Variants in TUBA1C observed in about 807,000 individuals in gnomAD.
The protein encoded by TUBA1C is tubulin alpha-1C chain.
In TUBA1C, 16 loss-of-function variants were observed where a neutral mutation model predicts 34.9. The ratio of observed to expected loss-of-function variants is 0.46; its 90% CI spans 0.31 to 0.70. The LOEUF is 0.70. Ranked by LOEUF, TUBA1C falls within the 30% of genes least tolerant of loss-of-function variation. The pLI, the probability that TUBA1C is intolerant of heterozygous loss-of-function variation, is 0.05. For missense variants in TUBA1C, 329 were observed against 587.3 expected (o/e 0.56, Z 4.55); for synonymous variants, 177 against 215.9 (o/e 0.82, Z 1.58).
intron 1 of TUBA1C, among the ~76,000 whole-genome samples, chr12:49,229,406 C>G (rs1280810323): frequency 6.6e-6 from 1 of 152,204 alleles, no homozygotes; most frequent in African/African-American, 2.4e-5. Flanking sequence ...CTCCTGACCT[C>G]AGGTGATCCG....
At chr12:49,248,299 G>C (rs1238934379) in intron 1 of TUBA1C, among the ~76,000 whole-genome samples, 1 of 151,872 alleles carries the variant, frequency 6.6e-6, no homozygotes, top group Non-Finnish European at 1.5e-5. Context: ...GAAAAAGAAA[G>C]TGGCTCACAC....
Position 49,273,220 on chromosome 12 carries a change from A to G in TUBA1C, c.1343A>G (p.Glu448Gly). 1 of 1,614,196 alleles carries G rather than the reference A, an allele frequency of 6.2e-7. No individual in the cohort carries two copies. The highest frequency in any genetic ancestry group is 1.7e-5 in the Admixed American group (1 of 60,020). ...GCTGACGGAGAGGATGAGGGTGAAG[A>G]GTATTAACCTGTGTGCTGTACTTTT... ...DSADGEDEGE[E>G]Y is the part of the protein sequence containing the mutation. Residue 448 changes from glutamate to glycine, a missense_variant, in exon 4 of 4, where the codon GAG becomes GGG. By Grantham distance (98) the Glu-to-Gly change is moderately conservative. This residue lies in a region of TUBA1C where 34 missense variants were observed against 31.8 expected (regional missense o/e 1.07). Transcript: ENST00000301072.
At chr12:49,246,286 G>A (rs1296559331) in intron 1 of TUBA1C, among the ~76,000 whole-genome samples, 1 of 151,732 alleles carries the variant, frequency 6.6e-6, no homozygotes, top group African/African-American at 2.4e-5. Context: ...TGGCCTAATT[G>A]CCACATACTT....
chr12:49,265,442 C>T (rs866230408), intron 1 of TUBA1C, among the ~76,000 whole-genome samples: 2 of 152,236 alleles, frequency 1.3e-5, no homozygotes, highest in Non-Finnish European at 2.9e-5. Flanking sequence ...GGGCTTTCCC[C>T]GCAGGGCCCG....
intron 1 of TUBA1C, among the ~76,000 whole-genome samples, chr12:49,234,627 G>T (rs922372984): frequency 6.6e-6 from 1 of 152,120 alleles, no homozygotes; most frequent in Non-Finnish European, 1.5e-5. Flanking sequence ...TCTCCAGGCC[G>T]CAGCCGCCGC....
At chr12:49,231,023 T>C (rs1477015254) in intron 1 of TUBA1C, among the ~76,000 whole-genome samples, 3 of 152,204 alleles carry the variant, frequency 2.0e-5, no homozygotes, top group Non-Finnish European at 2.9e-5. Context: ...CTGCTGTCAT[T>C]GTTATTTAGA....
In TUBA1C at chr12:49,272,535, G is replaced by A. The variant is rs778628978; in HGVS notation, c.658G>A (p.Glu220Lys). 4 of 1,608,524 alleles carry A rather than the reference G, an allele frequency of 2.5e-6. No homozygotes were observed. Among genetic ancestry groups the A allele is most frequent in the East Asian group, 2.2e-5 (1 of 44,750 alleles). The change falls in exon 4 of 4, where the codon GAG becomes AAG. Residue 220 changes from glutamate to lysine, a missense_variant. Physicochemically the swap from Glu to Lys is moderately conservative, Grantham distance 56 (BLOSUM62 1). This residue lies in a region of TUBA1C where 140 missense variants were observed against 289.8 expected (regional missense o/e 0.48). Coordinates refer to ENST00000301072, the MANE Select transcript of TUBA1C (RefSeq NM_032704.5). ...YDICRRNLDI[E>K]RPTYTNLNRL... is the part of the protein sequence containing the mutation. ...CATCTGTCGTAGAAACCTCGATATC[G>A]AGCGCCCAACCTACACTAACCTTAA... is the stretch of plus-strand genomic sequence containing the variant.
At chr12:49,270,355 C>CA (rs1166717718) in intron 3 of TUBA1C, among the ~76,000 whole-genome samples, 3 of 152,206 alleles carry the variant, frequency 2.0e-5, no homozygotes, top group African/African-American at 7.2e-5. Context: ...GTCACACTGA[C>CA]AAGAAACAGC....
At chr12:49,235,361 G>A (rs117009711) in intron 1 of TUBA1C, among the ~76,000 whole-genome samples, 16 of 152,218 alleles carry the variant, frequency 1.1e-4, no homozygotes, top group Non-Finnish European at 2.1e-4. Flanking sequence ...GCGCCGCGCC[G>A]CTGCAAGGCC....
At chr12:49,245,211 G>A (rs1942654897) in intron 1 of TUBA1C, among the ~76,000 whole-genome samples, 3 of 151,988 alleles carry the variant, frequency 2.0e-5, no homozygotes, top group Non-Finnish European at 4.4e-5. Context: ...GTGAAGAGGT[G>A]GGCAAATTCT....
intron 1 of TUBA1C, among the ~76,000 whole-genome samples, chr12:49,254,501 A>C (rs1942763525): frequency 1.3e-5 from 2 of 151,522 alleles, no homozygotes; most frequent in African/African-American, 4.9e-5. Context: ...AAAAAAAAAA[A>C]AAAAAAACGG....
At chr12:49,234,215 C>T (rs1223820573) in intron 1 of TUBA1C, 1 of 152,248 alleles carries the variant, frequency 6.6e-6, no homozygotes, top group Non-Finnish European at 1.5e-5. Context: ...GCCCATTTAT[C>T]CAATTTGCCT....
rs1592282460 is a variant in TUBA1C, at chr12:49,258,952, T to C, written c.214-10513T>C. 2.7e-5 allele frequency among the ~76,000 whole-genome samples: 4 copies of C among 150,906 alleles called. No individual in the cohort carries two copies. In the South Asian group the frequency reaches 8.3e-4, roughly 31 times the overall value. Reference sequence around the variant, plus strand: ...TTTTGTATTTTTAGTAGAGACGGGGTTTCTCCGTGTTGGTCAGGCTAGTCT... The same window carrying C: ...TTTTGTATTTTTAGTAGAGACGGGGCTTCTCCGTGTTGGTCAGGCTAGTCT... On this transcript the variant is annotated intron_variant, in intron 1 of 3. Coordinates refer to the TUBA1C transcript ENST00000541364.
intron 1 of TUBA1C, among the ~76,000 whole-genome samples, chr12:49,241,779 A>G (rs1942619513): frequency 6.6e-6 from 1 of 151,164 alleles, no homozygotes; most frequent in Non-Finnish European, 1.5e-5. Flanking sequence ...CCTCCCAAGT[A>G]GCTGGGACTA....
intron 1 of TUBA1C, among the ~76,000 whole-genome samples, chr12:49,257,222 G>C (rs533966303): frequency 2.0e-5 from 3 of 152,050 alleles, no homozygotes; most frequent in African/African-American, 7.2e-5. Flanking sequence ...GGGAAGGGTT[G>C]GGATTCCAAA....
At chr12:49,260,650 T>C (rs1329636463), upstream of TUBA1C, among the ~76,000 whole-genome samples, 1 of 152,176 alleles carries the variant, frequency 6.6e-6, no homozygotes, top group Non-Finnish European at 1.5e-5. Context: ...TAAAATAACA[T>C]GTTACCTAGA....
At position 49,273,778 on chromosome 12, in the gene TUBA1C, C is replaced by A. The variant is rs575062641; in HGVS notation, c.*551C>A. 4.6e-5 allele frequency: 8 copies of A among 172,082 alleles called. No homozygotes were observed. In the Middle Eastern group the frequency reaches 9.0e-3, roughly 194 times the overall value. 10.7% of individuals were successfully genotyped at this position (172,082 alleles called of 1,614,324 possible). A position where few individuals can be genotyped will look rare whatever the true frequency, so the allele number is the denominator to read the frequency against. On this transcript the variant is annotated 3_prime_UTR_variant, in exon 4 of 4. Coordinates refer to ENST00000301072, the MANE Select transcript of TUBA1C (RefSeq NM_032704.5). Reference sequence around the variant, plus strand: ...TCAGATTGAGCCAGTGCTTCTCTAACTAAAATGGATGTGAATCACCTGTAG... The same window carrying A: ...TCAGATTGAGCCAGTGCTTCTCTAAATAAAATGGATGTGAATCACCTGTAG...
At chr12:49,239,406 C>T (rs1243555363) in intron 1 of TUBA1C, among the ~76,000 whole-genome samples, 2 of 151,986 alleles carry the variant, frequency 1.3e-5, no homozygotes, top group East Asian at 1.9e-4. Context: ...TTTGGGAGGC[C>T]GAAGCGGGCG....
At chr12:49,249,897 G>A (rs184395562) in intron 1 of TUBA1C, among the ~76,000 whole-genome samples, 6 of 151,442 alleles carry the variant, frequency 4.0e-5, no homozygotes, top group African/African-American at 9.7e-5. Flanking sequence ...TTAGCCAAGC[G>A]AAAAAAATTT....
Sources: gnomAD v4.1 joint callset for allele counts (sites outside exome capture counted in the v4.1 genomes callset) on GRCh38, gnomAD v4.1.1 for gene constraint, gnomAD v4.1.1 regional missense constraint, MANE v1.5 for transcripts, NCBI Gene and HGNC (gene_info 2026-07-23, HGNC 2026-07-21) for gene names.